The following SORCS2 variants were observed in gnomAD, a reference collection of about 807,000 sequenced individuals.
SORCS2 encodes sortilin related VPS10 domain containing receptor 2.
In SORCS2, 100 loss-of-function variants were observed where a neutral mutation model predicts 141.6. The observed-to-expected ratio is 0.71, with a 90% CI of 0.60 to 0.83. The LOEUF is 0.83. Among genes scored for constraint, SORCS2 ranks in the 40% least tolerant of loss-of-function variants. SORCS2 has a pLI of 0.00. For missense variants in SORCS2, 1,646 were observed against 1,560.2 expected (o/e 1.05, Z -0.93); for synonymous variants, 789 against 676.9 (o/e 1.17, Z -2.57).
Position 7,630,044 on chromosome 4 carries a change from C to T in SORCS2, c.649-8284C>T, listed in dbSNP as rs969568163. Among the ~76,000 whole-genome samples the T allele has an allele frequency of 4.6e-5, 7 of 152,206 alleles. No homozygotes were observed. In the East Asian group the frequency reaches 1.3e-3, roughly 29 times the overall value. ...AAGGCCAGGTCACCAGGTTATCTCA[C>T]TTGGTTAACCACCACAGCAGCCACC... On this transcript the variant is annotated intron_variant, in intron 3 of 26. Transcript: ENST00000507866.
At chr4:7,376,971 A>G (rs1267524638) in intron 1 of SORCS2, among the ~76,000 whole-genome samples, 1 of 151,852 alleles carries the variant, frequency 6.6e-6, no homozygotes, top group Non-Finnish European at 1.5e-5. Context: ...CAGCCTGAAG[A>G]CCGGCTCTGC....
intron 3 of SORCS2, among the ~76,000 whole-genome samples, chr4:7,600,626 C>T (rs536595124): frequency 9.4e-5 from 14 of 148,646 alleles, no homozygotes; most frequent in African/African-American, 2.2e-4. Flanking sequence ...CCTAGCCTGG[C>T]GTTTTTAGAT....
chr4:7,717,876 G>A, intron 17 of SORCS2, 136 bp from the exon 18 acceptor site: 2 of 851,666 alleles, frequency 2.3e-6, no homozygotes, highest in Non-Finnish European at 3.4e-6. Context: ...AGGTGACTGG[G>A]AGTTAGCAAG....
chr4:7,420,010 G>A (rs1164708013), intron 2 of SORCS2, among the ~76,000 whole-genome samples: 6 of 152,162 alleles, frequency 3.9e-5, no homozygotes, highest in African/African-American at 1.2e-4. Context: ...CTCCTCTCCC[G>A]CTAACCAGGG....
At chr4:7,470,056 G>A (rs1057203644) in intron 2 of SORCS2, among the ~76,000 whole-genome samples, 2 of 152,178 alleles carry the variant, frequency 1.3e-5, no homozygotes, top group Admixed American at 6.5e-5. Context: ...CATGGCCAAG[G>A]GAAAACGCTC....
chr4:7,387,753 T>C (rs1360702050), intron 1 of SORCS2, among the ~76,000 whole-genome samples: 1 of 112,368 alleles, frequency 8.9e-6, no homozygotes, highest in Non-Finnish European at 1.9e-5. Context: ...CACACACAGA[T>C]ACACAGAAAT....
intron 2 of SORCS2, among the ~76,000 whole-genome samples, chr4:7,480,616 C>T (rs1344653239): frequency 6.6e-6 from 1 of 152,256 alleles, no homozygotes; most frequent in Non-Finnish European, 1.5e-5. Context: ...GAAACAGTTC[C>T]ACCTGCCACA....
intron 1 of SORCS2, among the ~76,000 whole-genome samples, chr4:7,353,093 G>A (rs1171830472): frequency 6.6e-6 from 1 of 152,166 alleles, no homozygotes; most frequent in Non-Finnish European, 1.5e-5. Flanking sequence ...CCTGGCAATG[G>A]TTCTCACTGG....
rs1232650955 is a variant in SORCS2, at chr4:7,729,584, C to T, written c.2983-3C>T. The T allele has an allele frequency of 2.5e-6, 4 of 1,580,040 alleles. No individual in the cohort carries two copies. The highest frequency in any genetic ancestry group is 3.4e-6 in the Non-Finnish European group (4 of 1,163,170). On this transcript the variant is annotated splice_polypyrimidine_tract_variant and splice_region_variant and intron_variant, in intron 22 of 26. Transcript: ENST00000507866. ...GACCAAAGTGGCTTAACTCTCCCCG[C>T]AGGAGACCAGCGTCCCTCAGGAGCT...
At chr4:7,611,910 G>T (rs1179625340) in intron 3 of SORCS2, among the ~76,000 whole-genome samples, 2 of 152,260 alleles carry the variant, frequency 1.3e-5, no homozygotes, top group Admixed American at 6.5e-5. Flanking sequence ...CTCAGGCTCT[G>T]TGGATCCATG....
chr4:7,548,166 C>G lies in SORCS2; in HGVS notation c.648+16537C>G, dbSNP rs187091102. Among the ~76,000 whole-genome samples the G allele has an allele frequency of 1.3e-3, 203 of 152,326 alleles. 1 individual carries two copies. Among genetic ancestry groups the G allele is most frequent in the African/African-American group, 3.8e-3 (159 of 41,572 alleles). On this transcript the variant is annotated intron_variant, in intron 3 of 26. Transcript: ENST00000507866. ...AGAGGAAGGCCTTTGAGGGCTCCAA[C>G]ACATATTACCAACCTTGCTTTTTCA...
At chr4:7,634,520 A>G (rs935233057) in intron 3 of SORCS2, among the ~76,000 whole-genome samples, 4 of 152,278 alleles carry the variant, frequency 2.6e-5, no homozygotes, top group African/African-American at 9.6e-5. Context: ...CAACTAAAGT[A>G]TAAAATAAAT....
At chr4:7,602,947 A>G (rs1436014352) in intron 3 of SORCS2, among the ~76,000 whole-genome samples, 1 of 152,256 alleles carries the variant, frequency 6.6e-6, no homozygotes, top group Non-Finnish European at 1.5e-5. Flanking sequence ...ACTCGCGGTC[A>G]GGAGCTGGAG....
At chr4:7,264,996 C>T (rs1011318450) in intron 1 of SORCS2, among the ~76,000 whole-genome samples, 8 of 152,376 alleles carry the variant, frequency 5.3e-5, no homozygotes, top group East Asian at 3.9e-4. Context: ...GAATCCTTCC[C>T]AGGCCCTGAC....
intron 26 of SORCS2, among the ~76,000 whole-genome samples, chr4:7,737,470 G>A (rs55691120): frequency 1.1e-4 from 17 of 152,140 alleles, no homozygotes; most frequent in Non-Finnish European, 2.1e-4. Context: ...GGGAAAGGAC[G>A]GGAAACAGGG....
intron 12 of SORCS2, among the ~76,000 whole-genome samples, chr4:7,700,511 A>G (rs113362619): frequency 0.013 from 1,951 of 152,236 alleles, 39 homozygotes; most frequent in African/African-American, 0.045. Flanking sequence ...TGGGGAGGAG[A>G]ACTGTGGAAC....
At chr4:7,396,760 G>A (rs1027789049) in intron 2 of SORCS2, among the ~76,000 whole-genome samples, 18 of 152,262 alleles carry the variant, frequency 1.2e-4, no homozygotes, top group South Asian at 4.2e-4. Context: ...TTGTTTGGGC[G>A]TTTTTCTTTC....
rs199911110 is a variant in SORCS2, at chr4:7,714,266, G to C, written c.2016G>C (p.Gln672His). ...LQGDRCIMGQ[Q>H]RSFRKRKSTS... ...GCGACCGCTGTATCATGGGCCAGCAGAGAAGTTTCCGGAAAAGAAAGTCCA... is the reference window on the plus strand; with the variant it reads ...GCGACCGCTGTATCATGGGCCAGCACAGAAGTTTCCGGAAAAGAAAGTCCA... Residue 672 changes from glutamine (Q) to histidine (H), a missense_variant, in exon 16 of 27, where the codon CAG becomes CAC. Physicochemically the swap from Gln to His is conservative, Grantham distance 24. Coordinates refer to ENST00000507866, the MANE Select transcript of SORCS2 (RefSeq NM_020777.3). 6.1e-5 allele frequency: 98 copies of C among 1,611,006 alleles called. No individual in the cohort carries two copies. Among genetic ancestry groups the C allele is most frequent in the Middle Eastern group, 3.3e-4 (2 of 6,080 alleles).
intron 1 of SORCS2, among the ~76,000 whole-genome samples, chr4:7,269,823 C>G (rs1479621426): frequency 6.6e-6 from 1 of 152,180 alleles, no homozygotes; most frequent in African/African-American, 2.4e-5. Flanking sequence ...CTGTGAGCCA[C>G]CCACTGTGTG....
Sources: gnomAD v4.1 joint callset for allele counts (sites outside exome capture counted in the v4.1 genomes callset) on GRCh38, gnomAD v4.1.1 for gene constraint, MANE v1.5 for transcripts, NCBI Gene and HGNC (gene_info 2026-07-23, HGNC 2026-07-21) for gene names.